PRKAR1B: variants seen among roughly 807,000 people sequenced by gnomAD.
The protein encoded by PRKAR1B is protein kinase cAMP-dependent type I regulatory subunit beta.
In PRKAR1B, 22 loss-of-function variants were observed where a neutral mutation model predicts 46.5. The ratio of observed to expected loss-of-function variants is 0.47; its 90% CI spans 0.34 to 0.68. PRKAR1B has a LOEUF of 0.68. Among genes scored for constraint, PRKAR1B ranks in the 30% least tolerant of loss-of-function variants. PRKAR1B has a pLI of 0.01. For synonymous variants in PRKAR1B, 259 were observed against 217.7 expected, an observed-to-expected ratio of 1.19 and a Z score of -1.67; for missense variants, 445 against 535.6, an observed-to-expected ratio of 0.83 and a Z score of 1.67.
chr7:615,840 A>G (rs1047365337), intron 4 of PRKAR1B, among the ~76,000 whole-genome samples: 7 of 151,180 alleles, frequency 4.6e-5, no homozygotes, highest in African/African-American at 1.2e-4. Context: ...AAAAAAAAAA[A>G]AAGAAAGCAA....
At chr7:579,017 C>A in intron 9 of PRKAR1B, 13 of 985,266 alleles carry the variant, frequency 1.3e-5, no homozygotes, top group Non-Finnish European at 1.6e-5. Flanking sequence ...GCAGCTCAGG[C>A]ACCAGCCACC....
At position 550,203 on chromosome 7, in the gene PRKAR1B, C is replaced by T. The variant is rs1005965748; in HGVS notation, c.*227G>A. 2.0e-5 allele frequency: 11 copies of T among 553,320 alleles called. No individual in the cohort carries two copies. Among genetic ancestry groups the T allele is most frequent in the Non-Finnish European group, 3.6e-5 (11 of 308,798 alleles). 34.3% of individuals were successfully genotyped at this position (553,320 alleles called of 1,614,324 possible). ...GTGTGGGGAGGAAGCTGGCCTGTCC[C>T]TTCCTTGATCTTGGGATGCATTTTG... On this transcript the variant is annotated 3_prime_UTR_variant, in exon 11 of 11. Transcript: ENST00000537384.
chr7:659,690 C>T (rs1026302342), intron 4 of PRKAR1B, among the ~76,000 whole-genome samples: 11 of 152,162 alleles, frequency 7.2e-5, no homozygotes, highest in African/African-American at 1.4e-4. Flanking sequence ...CACGTCCAGA[C>T]GCATGGGCCT....
chr7:686,266 A>C (rs1583418716), intron 2 of PRKAR1B, among the ~76,000 whole-genome samples: 1 of 151,834 alleles, frequency 6.6e-6, no homozygotes, highest in South Asian at 2.1e-4. Context: ...GTACCACTGC[A>C]CTCCAGCCTG....
At chr7:568,792 C>T (rs1226009074) in intron 9 of PRKAR1B, among the ~76,000 whole-genome samples, 1 of 152,174 alleles carries the variant, frequency 6.6e-6, no homozygotes, top group Non-Finnish European at 1.5e-5. Flanking sequence ...GCTTTGCTGC[C>T]AGGAATCTGG....
chr7:631,801 T>C lies in PRKAR1B; in HGVS notation c.441-24349A>G, dbSNP rs549801073. Among the ~76,000 whole-genome samples, 115 of 150,048 alleles carry C rather than the reference T, an allele frequency of 7.7e-4. 2 individuals carry two copies. The South Asian group carries it at 0.022, about 29-fold the overall frequency. On this transcript the variant is annotated intron_variant, in intron 4 of 10. Coordinates refer to ENST00000537384, the MANE Select transcript of PRKAR1B (RefSeq NM_001164760.2). Reference sequence around the variant, plus strand: ...ACCCCCATCTCTAAAAAAAAAAAAATTGGAAATTAGCCAGGCATGATGCCA... The same window carrying C: ...ACCCCCATCTCTAAAAAAAAAAAAACTGGAAATTAGCCAGGCATGATGCCA...
At chr7:712,317 A>T (rs1266067312) in intron 1 of PRKAR1B, 1 of 129,736 alleles carries the variant, frequency 7.7e-6, no homozygotes, top group Non-Finnish European at 1.7e-5. Flanking sequence ...CGCGCGCCCC[A>T]CTCCCGGCGG....
chr7:605,137 C>T (rs999227506), intron 6 of PRKAR1B, among the ~76,000 whole-genome samples: 4 of 152,216 alleles, frequency 2.6e-5, no homozygotes, highest in Admixed American at 1.3e-4. Context: ...CAGGAGCTAA[C>T]GGGGTTCCCG....
chr7:607,386 C>T lies in PRKAR1B; in HGVS notation c.502+5G>A. 1.2e-6 allele frequency: 2 copies of T among 1,612,712 alleles called. No homozygotes were observed. Among genetic ancestry groups the T allele is most frequent in the South Asian group, 1.1e-5 (1 of 91,000 alleles). The stretch of plus-strand genomic sequence containing the variant: ...CTTTGGCTCCGAGGAGCAGGCAGAA[C>T]GTACCTTGCTGTATAACAGTCTCCC... On this transcript the variant is annotated splice_donor_5th_base_variant and intron_variant, in intron 5 of 10. Transcript: ENST00000537384.
rs757470446 is a variant in PRKAR1B, at chr7:644,907, G to A, written c.440+32322C>T. ...GCTCAGAGGCCGCCCAGGCCACCCC[G>A]TCTCACGATGGGGAGATGTGAGACC... is the stretch of plus-strand genomic sequence containing the variant. On this transcript the variant is annotated intron_variant, in intron 4 of 10. Transcript: ENST00000537384. This position sits in a 1 kb window ranked among gnomAD's most constrained non-coding sequence, Gnocchi z 4.9. Among the ~76,000 whole-genome samples the A allele has an allele frequency of 3.9e-5, 6 of 152,156 alleles. No individual in the cohort carries two copies. Among genetic ancestry groups the A allele is most frequent in the Non-Finnish European group, 5.9e-5 (4 of 68,024 alleles).
At chr7:621,824 G>A (rs1240126464) in intron 4 of PRKAR1B, among the ~76,000 whole-genome samples, 1 of 152,204 alleles carries the variant, frequency 6.6e-6, no homozygotes, top group Non-Finnish European at 1.5e-5. Context: ...AAAGCAGCAG[G>A]GAGGACTCAG....
chr7:660,882 T>C (rs1418328439), intron 4 of PRKAR1B, among the ~76,000 whole-genome samples: 40 of 57,048 alleles, frequency 7.0e-4, no homozygotes, highest in Middle Eastern at 0.019. Context: ...CACAGGTCCC[T>C]ACTCCAACGG....
chr7:567,389 C>A (rs1779216326), intron 9 of PRKAR1B, among the ~76,000 whole-genome samples: 2 of 143,322 alleles, frequency 1.4e-5, no homozygotes, highest in South Asian at 5.3e-4. Flanking sequence ...CCATCACCTC[C>A]ATCATCATCA....
intron 6 of PRKAR1B, among the ~76,000 whole-genome samples, chr7:601,006 C>T (rs1781557714): frequency 6.6e-6 from 1 of 152,236 alleles, no homozygotes; most frequent in African/African-American, 2.4e-5. Context: ...CATTTTGTCA[C>T]CTGGCCGTCC....
At chr7:718,221 G>A (rs182815520) in intron 1 of PRKAR1B, among the ~76,000 whole-genome samples, 175 of 148,776 alleles carry the variant, frequency 1.2e-3, no homozygotes, top group Admixed American at 0.011. Flanking sequence ...ACAGACAGCC[G>A]GCCCCAGGCC....
intron 4 of PRKAR1B, among the ~76,000 whole-genome samples, chr7:618,073 C>A (rs1274174768): frequency 6.6e-6 from 1 of 151,938 alleles, no homozygotes; most frequent in Non-Finnish European, 1.5e-5. Context: ...GCAGGCTCCT[C>A]CCCACCAGTG....
chr7:627,151 G>C (rs565009394), intron 4 of PRKAR1B, among the ~76,000 whole-genome samples: 4 of 152,212 alleles, frequency 2.6e-5, no homozygotes, highest in Non-Finnish European at 1.5e-5. Context: ...GGGATTACAG[G>C]CATTTTTATT....
chr7:711,428 C>T lies in PRKAR1B; in HGVS notation c.78G>A (p.Gly26=), dbSNP rs750548392. The T allele has an allele frequency of 1.1e-5, 17 of 1,614,238 alleles. No individual in the cohort carries two copies. The Admixed American group carries it at 1.2e-4, about 11-fold the overall frequency. ...KGCELYVQLH[G]IQQVLKDCIV... ...TACAGTCTTTGAGGACCTGCTGGAT[C>T]CCGTGCAGCTGCACGTACAGCTCAC... The change falls in exon 2 of 11, where the codon GGG becomes GGA. Residue 26 remains glycine (G), a synonymous_variant. Transcript: ENST00000537384.
chr7:645,328 T>C (rs2128487073), intron 4 of PRKAR1B, among the ~76,000 whole-genome samples: 1 of 152,290 alleles, frequency 6.6e-6, no homozygotes, highest in African/African-American at 2.4e-5. Flanking sequence ...AGATCTCACC[T>C]ATGCAGATTT....
Sources: allele counts gnomAD v4.1 joint callset (sites outside exome capture counted in the v4.1 genomes callset), GRCh38; gene constraint gnomAD v4.1.1; non-coding constraint Gnocchi (gnomAD v3.1); transcripts MANE v1.5; gene names NCBI Gene and HGNC (gene_info 2026-07-23, HGNC 2026-07-21).